The following ZMYND11 variants were observed in gnomAD, a reference collection of about 807,000 sequenced individuals.
ZMYND11 encodes zinc finger MYND domain-containing protein 11.
ZMYND11 carries 9 observed loss-of-function variants against 84.9 expected under a neutral mutation model. That is an observed-to-expected ratio of 0.11 (90% CI 0.06 to 0.18). The LOEUF is 0.18. Ranked by LOEUF, ZMYND11 falls within the 10% of genes least tolerant of loss-of-function variation. The probability of loss-of-function intolerance (pLI) is 1.00; values close to 1 mark genes in which losing one functional copy is unlikely to be tolerated. For synonymous variants in ZMYND11, 250 were observed against 244.1 expected, an observed-to-expected ratio of 1.02 and a Z score of -0.23; for missense variants, 409 against 761.0, an observed-to-expected ratio of 0.54 and a Z score of 5.44.
chr10:130,144 C>A (rs546652082), upstream of ZMYND11, among the ~76,000 whole-genome samples: 7 of 152,198 alleles, frequency 4.6e-5, no homozygotes, highest in Non-Finnish European at 7.4e-5. Context: ...GAAAAACAAA[C>A]AACAAACAAA....
chr10:234,683 C>T (rs990800634), intron 4 of ZMYND11, among the ~76,000 whole-genome samples: 1 of 152,072 alleles, frequency 6.6e-6, no homozygotes, highest in African/African-American at 2.4e-5. Flanking sequence ...TAGCTAGAAG[C>T]ATGTGTTTTT....
chr10:183,566 A>T (rs1848328860), intron 2 of ZMYND11, among the ~76,000 whole-genome samples: 1 of 152,178 alleles, frequency 6.6e-6, no homozygotes, highest in Non-Finnish European at 1.5e-5. Context: ...TTCTATAAGG[A>T]CATAGCTTCC....
intron 12 of ZMYND11, among the ~76,000 whole-genome samples, chr10:247,878 T>C (rs887373939): frequency 7.9e-5 from 12 of 151,184 alleles, no homozygotes; most frequent in African/African-American, 2.7e-4. Flanking sequence ...TTAAGTGATA[T>C]AAGCCCTGCA....
At chr10:160,521 T>G (rs1470235837) in intron 1 of ZMYND11, among the ~76,000 whole-genome samples, 1 of 152,162 alleles carries the variant, frequency 6.6e-6, no homozygotes, top group Non-Finnish European at 1.5e-5. Context: ...GCTTTTCCTT[T>G]CATGAAAGAT....
At chr10:239,195 A>G (rs1185395382) in intron 6 of ZMYND11, among the ~76,000 whole-genome samples, 1 of 152,226 alleles carries the variant, frequency 6.6e-6, no homozygotes, top group Admixed American at 6.5e-5. Context: ...GTTCACTCTG[A>G]TAAATTAATG....
At chr10:211,981 A>C (rs1432662954) in intron 3 of ZMYND11, among the ~76,000 whole-genome samples, 1 of 152,206 alleles carries the variant, frequency 6.6e-6, no homozygotes, top group Admixed American at 6.5e-5. Context: ...TAAAACACTT[A>C]GGAATTTATA....
At chr10:244,920 T>G (rs1458170054) in intron 10 of ZMYND11, among the ~76,000 whole-genome samples, 1 of 152,226 alleles carries the variant, frequency 6.6e-6, no homozygotes, top group African/African-American at 2.4e-5. Flanking sequence ...CTCTTACAGA[T>G]ACAAGTTCAT....
chr10:240,804 G>GTGT, intron 8 of ZMYND11, 89 bp from the exon 9 acceptor site: 1 of 997,122 alleles, frequency 1.0e-6, no homozygotes, highest in South Asian at 1.6e-5. Context: ...ATTTATATAC[G>GTGT]TGAATGTTAA....
chr10:227,474 C>T (rs1242334414), intron 4 of ZMYND11, among the ~76,000 whole-genome samples: 1 of 152,042 alleles, frequency 6.6e-6, no homozygotes, highest in Non-Finnish European at 1.5e-5. Flanking sequence ...ACTGGCATGT[C>T]AGTGTTGACT....
At chr10:249,204 A>C in intron 14 of ZMYND11, 116 bp downstream of exon 14, 1 of 1,535,940 alleles carries the variant, frequency 6.5e-7, no homozygotes, top group Non-Finnish European at 8.7e-7. Flanking sequence ...ATAAGATCAA[A>C]TGTGAAATGG....
At chr10:140,923 AAAG>A (rs527516169) in intron 1 of ZMYND11, among the ~76,000 whole-genome samples, 2 of 152,220 alleles carry the variant, frequency 1.3e-5, no homozygotes, top group Non-Finnish European at 2.9e-5. Flanking sequence ...ATGTAAAACT[AAAG>A]AAGTAGAAAT....
At chr10:192,802 A>T (rs1477641825) in intron 2 of ZMYND11, among the ~76,000 whole-genome samples, 1 of 152,180 alleles carries the variant, frequency 6.6e-6, no homozygotes, top group Non-Finnish European at 1.5e-5. Flanking sequence ...GAGTTTAGGC[A>T]GCTCTTGGTG....
chr10:167,320 TG>T (rs1244710149), intron 1 of ZMYND11, among the ~76,000 whole-genome samples: 6 of 152,092 alleles, frequency 3.9e-5, no homozygotes, highest in Non-Finnish European at 7.4e-5. Flanking sequence ...ACACTTCAAA[TG>T]GGTGAATTGT....
chr10:199,857 G>A (rs1454868035), intron 2 of ZMYND11, among the ~76,000 whole-genome samples: 2 of 151,228 alleles, frequency 1.3e-5, no homozygotes, highest in South Asian at 2.1e-4. Context: ...ATTTTATGAT[G>A]TGGAAAACAT....
intron 4 of ZMYND11, among the ~76,000 whole-genome samples, chr10:229,180 A>G (rs1244668818): frequency 6.6e-6 from 1 of 152,188 alleles, no homozygotes; most frequent in East Asian, 1.9e-4. Context: ...TAATAAATGT[A>G]GATACAGCCA....
chr10:144,182 A>G (rs1420420427), intron 1 of ZMYND11, among the ~76,000 whole-genome samples: 1 of 152,184 alleles, frequency 6.6e-6, no homozygotes, highest in Admixed American at 6.5e-5. Flanking sequence ...GGAAAAATTT[A>G]CTATCATTGC....
At chr10:219,950 G>C (rs970359050) in intron 3 of ZMYND11, among the ~76,000 whole-genome samples, 3 of 152,166 alleles carry the variant, frequency 2.0e-5, no homozygotes, top group Non-Finnish European at 4.4e-5. Context: ...TCTGGATGTG[G>C]TTTGGAAGAC....
intron 2 of ZMYND11, among the ~76,000 whole-genome samples, chr10:207,152 T>C (rs1393090253): frequency 6.6e-6 from 1 of 152,228 alleles, no homozygotes; most frequent in Non-Finnish European, 1.5e-5. Flanking sequence ...TCCATGTCCC[T>C]ACAAAGGACA....
rs889260522 is a variant in ZMYND11 at position 142,304 on chromosome 10, G to T, written c.-20+6745G>T. On this transcript the variant is annotated intron_variant, in intron 1 of 14. Coordinates refer to ENST00000381604, the MANE Select transcript of ZMYND11 (RefSeq NM_001370100.5). ...GATGGGGTTTCACCATGTTACCCAC[G>T]CTGGTCCCAAACTCCTGAGCTCAAG... is the stretch of plus-strand genomic sequence containing the variant. 2.0e-5 allele frequency among the ~76,000 whole-genome samples: 3 copies of T among 152,078 alleles called. 1 individual carries two copies. The South Asian group carries it at 6.2e-4, about 32-fold the overall frequency.
Sources: allele counts gnomAD v4.1 joint callset (sites outside exome capture counted in the v4.1 genomes callset), GRCh38; gene constraint gnomAD v4.1.1; transcripts MANE v1.5; gene names NCBI Gene and HGNC (gene_info 2026-07-23, HGNC 2026-07-21).